IQGAP2: variants seen among roughly 807,000 people sequenced by gnomAD.
IQGAP2 encodes IQ motif containing GTPase activating protein 2.
Under a neutral mutation model 201.3 loss-of-function variants are expected in IQGAP2, and 173 were observed. The observed-to-expected ratio is 0.86, with a 90% CI of 0.76 to 0.98. The LOEUF (loss-of-function observed/expected upper bound fraction) is 0.98. IQGAP2 is among the 50% of genes least tolerant of loss of function. The probability of loss-of-function intolerance (pLI) is 0.00; values close to 1 mark genes in which losing one functional copy is unlikely to be tolerated. For missense variants in IQGAP2, 1,687 were observed against 1,864.8 expected (o/e 0.90, Z 1.76); for synonymous variants, 675 against 673.9 (o/e 1.00, Z -0.03).
intron 2 of IQGAP2, among the ~76,000 whole-genome samples, chr5:76,547,832 T>A (rs186632230): frequency 6.6e-6 from 1 of 152,320 alleles, no homozygotes; most frequent in Admixed American, 6.5e-5. Flanking sequence ...CAGAGTCCCA[T>A]TTTTGAGCTC....
chr5:76,461,885 C>A (rs929549410), intron 2 of IQGAP2, among the ~76,000 whole-genome samples: 1 of 152,176 alleles, frequency 6.6e-6, no homozygotes, highest in Non-Finnish European at 1.5e-5. Flanking sequence ...TAGGGGATGA[C>A]CCCTCCACAC....
rs1393297662 is a variant in IQGAP2 at position 76,698,033 on chromosome 5, T to G, written c.4253T>G (p.Leu1418Trp). ...RIYRKLRKAE[L>W]AKLQQTLNAL... ...TATCGTAAGCTTCGAAAAGCTGAAT[T>G]GGCAAAACTTCAGCAGACCCTGAAT... The change falls in exon 33 of 36, where the codon TTG (leucine) becomes TGG (tryptophan). Residue 1418 changes from leucine to tryptophan, a missense_variant. Leu to Trp is a moderately conservative substitution (Grantham distance 61). Transcript: ENST00000274364. The G allele has an allele frequency of 6.2e-7, 1 of 1,613,336 alleles. No individual in the cohort carries two copies. The highest frequency in any genetic ancestry group is 1.3e-5 in the African/African-American group (1 of 74,920).
Position 76,525,633 on chromosome 5 carries a change from T to C in IQGAP2, c.147-36763T>C, listed in dbSNP as rs533512954. 4.6e-5 allele frequency among the ~76,000 whole-genome samples: 7 copies of C among 152,326 alleles called. No individual in the cohort carries two copies. The East Asian group carries it at 1.2e-3, about 25-fold the overall frequency. On this transcript the variant is annotated intron_variant, in intron 2 of 35. Coordinates refer to ENST00000274364, the MANE Select transcript of IQGAP2 (RefSeq NM_006633.5). ...CTCATATTTTCTGTATGGCAAGAGC[T>C]CCTTTAGCAGGCTGAAAGTTCTGTG...
chr5:76,634,953 T>C (rs191179757), intron 15 of IQGAP2, among the ~76,000 whole-genome samples: 2 of 152,362 alleles, frequency 1.3e-5, no homozygotes, highest in African/African-American at 4.8e-5. Flanking sequence ...GAGCCCATGC[T>C]GGAAAGTAGC....
At chr5:76,467,920 A>G (rs1417520540) in intron 2 of IQGAP2, among the ~76,000 whole-genome samples, 1 of 151,634 alleles carries the variant, frequency 6.6e-6, no homozygotes, top group Non-Finnish European at 1.5e-5. Flanking sequence ...ATCCACAGAG[A>G]CAAAGTAGAT....
At chr5:76,573,680 C>T (rs1018362477) in intron 4 of IQGAP2, among the ~76,000 whole-genome samples, 9 of 152,124 alleles carry the variant, frequency 5.9e-5, no homozygotes, top group African/African-American at 1.4e-4. Context: ...GGTGCCATCT[C>T]GGCTCACTGC....
chr5:76,693,482 T>C (rs1561600948), intron 31 of IQGAP2, 40 bp downstream of exon 31: 1 of 1,237,256 alleles, frequency 8.1e-7, no homozygotes, highest in Non-Finnish European at 1.2e-6. Flanking sequence ...TAGACAGGTG[T>C]TGATTTTCTT....
At chr5:76,499,360 T>A (rs1757153670) in intron 2 of IQGAP2, among the ~76,000 whole-genome samples, 1 of 152,218 alleles carries the variant, frequency 6.6e-6, no homozygotes, top group Non-Finnish European at 1.5e-5. Context: ...TCTTGGCCTC[T>A]TAGCAGATTT....
intron 2 of IQGAP2, among the ~76,000 whole-genome samples, chr5:76,522,416 C>T (rs996803338): frequency 3.3e-5 from 5 of 152,244 alleles, no homozygotes; most frequent in Admixed American, 2.6e-4. Flanking sequence ...CTCCAGACCT[C>T]AAGTGATCCA....
At chr5:76,673,367 G>A in intron 24 of IQGAP2, 82 bp from the exon 25 acceptor site, 2 of 1,451,418 alleles carry the variant, frequency 1.4e-6, no homozygotes, top group Non-Finnish European at 1.9e-6. Context: ...ACTATACAAA[G>A]CTTGACTATA....
At chr5:76,664,510 C>T (rs1580760671) in intron 21 of IQGAP2, among the ~76,000 whole-genome samples, 1 of 152,168 alleles carries the variant, frequency 6.6e-6, no homozygotes, top group East Asian at 1.9e-4. Flanking sequence ...TGGTGAAACC[C>T]CGTCTCTACT....
intron 21 of IQGAP2, among the ~76,000 whole-genome samples, chr5:76,661,053 A>C (rs1379454479): frequency 6.6e-6 from 1 of 152,096 alleles, no homozygotes; most frequent in Non-Finnish European, 1.5e-5. Context: ...AAAGAAGTTA[A>C]GTGATTTTTC....
At chr5:76,596,692 G>A (rs1357202260) in intron 9 of IQGAP2, among the ~76,000 whole-genome samples, 1 of 152,198 alleles carries the variant, frequency 6.6e-6, no homozygotes, top group Non-Finnish European at 1.5e-5. Context: ...AGGAGGAATA[G>A]AGAGAAGGGG....
chr5:76,546,329 C>T (rs776609682), intron 2 of IQGAP2, among the ~76,000 whole-genome samples: 17 of 152,108 alleles, frequency 1.1e-4, no homozygotes, highest in South Asian at 2.1e-4. Context: ...TCAGCTATTC[C>T]GGAGGCTGAG....
In IQGAP2 at chr5:76,496,754, TTTCTTTC is replaced by T. The variant is rs1561416448; in HGVS notation, c.146+35088_146+35094del. Among the ~76,000 whole-genome samples, 636 of 68,698 alleles carry T rather than the reference TTTCTTTC, an allele frequency of 9.3e-3. 19 individuals are homozygous for T. The highest frequency in any genetic ancestry group is 0.012 in the African/African-American group (145 of 12,376). The allele number at this position is 68,698 out of a possible 152,430, so 45.1% of individuals were successfully genotyped here. On this transcript the variant is annotated intron_variant, in intron 2 of 35. Transcript: ENST00000274364. ...CTTTCTTTCTTTCTTTCTTTCTTTC[TTTCTTTC>T]TTTCTTTCTTTCTTTCTTTCTTTCT...
rs770664994 is a variant in IQGAP2 at position 76,403,584 on chromosome 5, C to A, written c.39C>A (p.Arg13=). Residue 13 remains arginine, a synonymous_variant, in exon 1 of 36, where the codon CGC becomes CGA. Transcript: ENST00000274364. This position sits in a 1 kb window ranked among gnomAD's most constrained non-coding sequence, Gnocchi z 4.8. ...AGCTGCCGTCGCTGCAGAGACCCCG[C>A]TATGGCTGTAAGTGCGCCGGGCGCG... is the stretch of plus-strand genomic sequence containing the variant. ...HEELPSLQRP[R]YGSIVDDERL... is the part of the protein sequence containing the mutation. 3.2e-6 allele frequency: 5 copies of A among 1,542,112 alleles called. No individual in the cohort carries two copies. In the African/African-American group the frequency reaches 7.0e-5, roughly 22 times the overall value.
chr5:76,593,006 A>C (rs2036220637), intron 9 of IQGAP2, 81 bp downstream of exon 9: 16 of 952,908 alleles, frequency 1.7e-5, no homozygotes, highest in Non-Finnish European at 2.7e-5. Flanking sequence ...CACAACTCTC[A>C]ATTTGTATAC....
chr5:76,673,306 C>G, intron 24 of IQGAP2, 143 bp from the exon 25 acceptor site: 1 of 742,094 alleles, frequency 1.3e-6, no homozygotes, highest in Non-Finnish European at 2.1e-6. Context: ...GTGGAGCCTC[C>G]CCTCATTTAG....
At chr5:76,644,417 A>G (rs1751864871) in intron 17 of IQGAP2, among the ~76,000 whole-genome samples, 1 of 149,560 alleles carries the variant, frequency 6.7e-6, no homozygotes, top group South Asian at 2.1e-4. Flanking sequence ...CTCATGCCTC[A>G]GCTTCCCAAG....
Sources: allele counts gnomAD v4.1 joint callset (sites outside exome capture counted in the v4.1 genomes callset), GRCh38; gene constraint gnomAD v4.1.1; non-coding constraint Gnocchi (gnomAD v3.1); transcripts MANE v1.5; gene names NCBI Gene and HGNC (gene_info 2026-07-23, HGNC 2026-07-21).